The following NAALAD2 variants were observed in gnomAD, a reference collection of about 807,000 sequenced individuals.
NAALAD2 encodes N-acetylated-alpha-linked acidic dipeptidase 2.
A neutral mutation model predicts 95.6 loss-of-function variants in NAALAD2; 89 were observed. The observed-to-expected ratio is 0.93, with a 90% confidence interval of 0.78 to 1.11. The LOEUF is 1.11. Ranked by LOEUF, NAALAD2 falls within the 50% of genes least tolerant of loss-of-function variation. NAALAD2 has a pLI of 0.00. For synonymous variants in NAALAD2, 264 were observed against 294.4 expected (o/e 0.90, Z 1.06); for missense variants, 894 against 872.4 (o/e 1.02, Z -0.31).
At position 90,175,284 on chromosome 11, in the gene NAALAD2, A is replaced by T. The variant is rs542480584; in HGVS notation, c.1503-688A>T. 1.1e-4 allele frequency among the ~76,000 whole-genome samples: 17 copies of T among 152,346 alleles called. 2 individuals are homozygous for T. The South Asian group carries it at 3.3e-3, about 30-fold the overall frequency. On this transcript the variant is annotated intron_variant, in intron 14 of 18. Transcript: ENST00000534061. ...AAAATACAAAAATGATTTCTAAAAC[A>T]TTGAAGAGGTCAGTCTCAAAAACAT...
At position 90,137,874 on chromosome 11, in the gene NAALAD2, C is replaced by T. The variant is rs1394750784; in HGVS notation, c.194+2204C>T. On this transcript the variant is annotated intron_variant, in intron 2 of 18. Coordinates refer to ENST00000534061, the MANE Select transcript of NAALAD2 (RefSeq NM_005467.4). ...CCCAGGCTGGTCTCGAACTCATGAGCTCAAGTGACATACCCACCTCACCCT... is the reference window on the plus strand; with the variant it reads ...CCCAGGCTGGTCTCGAACTCATGAGTTCAAGTGACATACCCACCTCACCCT... 2.6e-5 allele frequency among the ~76,000 whole-genome samples: 4 copies of T among 152,054 alleles called. No homozygotes were observed. In the East Asian group the frequency reaches 7.7e-4, roughly 29 times the overall value.
At chr11:90,191,216 C>T (rs1346035730) in intron 18 of NAALAD2, among the ~76,000 whole-genome samples, 2 of 152,204 alleles carry the variant, frequency 1.3e-5, no homozygotes, top group Admixed American at 6.5e-5. Flanking sequence ...TCAATCTCCT[C>T]TTACTAAAAA....
At chr11:90,153,717 T>C (rs1040442778) in intron 6 of NAALAD2, among the ~76,000 whole-genome samples, 11 of 152,044 alleles carry the variant, frequency 7.2e-5, no homozygotes, top group Admixed American at 5.2e-4. Context: ...AACTTTGCAG[T>C]CTTTAATTTC....
chr11:90,147,593 A>C, intron 3 of NAALAD2, 77 bp downstream of exon 3: 1 of 1,325,766 alleles, frequency 7.5e-7, no homozygotes, highest in Middle Eastern at 1.9e-4. Context: ...GGTCAAGTAA[A>C]AGTAGAAATT....
upstream of NAALAD2, among the ~76,000 whole-genome samples, chr11:90,133,876 T>C (rs1357200828): frequency 6.6e-6 from 1 of 152,150 alleles, no homozygotes; most frequent in African/African-American, 2.4e-5. Context: ...TTCTGGACTT[T>C]AGGCAGATAA....
intron 7 of NAALAD2, 57 bp from the exon 8 acceptor site, chr11:90,159,182 A>G (rs1355174085): frequency 1.5e-6 from 2 of 1,308,462 alleles, no homozygotes; most frequent in African/African-American, 1.5e-5. Context: ...AAACTTTAAA[A>G]TTTCTCCTTA....
At chr11:90,155,635 T>C (rs1164827329) in intron 6 of NAALAD2, among the ~76,000 whole-genome samples, 11 of 100,306 alleles carry the variant, frequency 1.1e-4, no homozygotes, top group Non-Finnish European at 1.6e-4. Context: ...TATATTAATA[T>C]ATATATAATT....
intron 5 of NAALAD2, among the ~76,000 whole-genome samples, chr11:90,152,044 T>A (rs1023077260): frequency 1.3e-5 from 2 of 152,158 alleles, no homozygotes; most frequent in African/African-American, 4.8e-5. Flanking sequence ...GGGACATGAA[T>A]TCTACAGTTG....
At chr11:90,153,928 T>C (rs1009426166) in intron 6 of NAALAD2, among the ~76,000 whole-genome samples, 1 of 152,050 alleles carries the variant, frequency 6.6e-6, no homozygotes, top group African/African-American at 2.4e-5. Flanking sequence ...TCGATTCTGC[T>C]AGGTTTTTGT....
chr11:90,154,817 T>C (rs1272702519), intron 6 of NAALAD2, among the ~76,000 whole-genome samples: 1 of 146,978 alleles, frequency 6.8e-6, no homozygotes, highest in Non-Finnish European at 1.5e-5. Flanking sequence ...ATGTAATATA[T>C]GTAATATGTA....
At chr11:90,180,519 A>T (rs1374247925) in intron 16 of NAALAD2, among the ~76,000 whole-genome samples, 1 of 152,048 alleles carries the variant, frequency 6.6e-6, no homozygotes, top group East Asian at 1.9e-4. Flanking sequence ...CTATTAGGTC[A>T]GACCTAATAG....
chr11:90,167,966 C>T (rs1007835869), intron 11 of NAALAD2, among the ~76,000 whole-genome samples: 4 of 152,166 alleles, frequency 2.6e-5, no homozygotes, highest in South Asian at 2.1e-4. Context: ...GCAGTGGCAA[C>T]CCTCTGGGGT....
intron 6 of NAALAD2, among the ~76,000 whole-genome samples, chr11:90,155,464 T>TG (rs1331626673): frequency 2.8e-5 from 3 of 107,166 alleles, no homozygotes; most frequent in African/African-American, 7.4e-5. Flanking sequence ...ATATGTAATA[T>TG]TACATATACA....
At chr11:90,142,026 A>G (rs1337832336) in intron 2 of NAALAD2, among the ~76,000 whole-genome samples, 1 of 152,108 alleles carries the variant, frequency 6.6e-6, no homozygotes, top group East Asian at 1.9e-4. Context: ...ATTAAGTATG[A>G]TGTAGCTGTC....
chr11:90,133,187 C>T (rs1470701218), upstream of NAALAD2, among the ~76,000 whole-genome samples: 2 of 152,158 alleles, frequency 1.3e-5, no homozygotes, highest in Non-Finnish European at 2.9e-5. Context: ...TGAAGTTTAT[C>T]CTAGATATAC....
chr11:90,187,943 T>C (rs748859525), intron 18 of NAALAD2, among the ~76,000 whole-genome samples: 9 of 152,308 alleles, frequency 5.9e-5, no homozygotes, highest in East Asian at 3.9e-4. Context: ...CAGACTTTAA[T>C]TGAGCAAAGA....
At chr11:90,157,187 A>G (rs1170516027) in intron 6 of NAALAD2, among the ~76,000 whole-genome samples, 1 of 152,172 alleles carries the variant, frequency 6.6e-6, no homozygotes, top group African/African-American at 2.4e-5. Context: ...TCAGCAGTCA[A>G]TTATCTCATG....
At position 90,192,364 on chromosome 11, in the gene NAALAD2, A is replaced by T. The variant is rs1857355608; in HGVS notation, c.*617A>T. 1 of 152,052 alleles carries T rather than the reference A, an allele frequency of 6.6e-6. No homozygotes were observed. The highest frequency in any genetic ancestry group is 1.5e-5 in the Non-Finnish European group (1 of 67,902). 9.4% of individuals were successfully genotyped at this position (152,052 alleles called of 1,614,324 possible). A position where few individuals can be genotyped will look rare whatever the true frequency, so the allele number is the denominator to read the frequency against. On this transcript the variant is annotated 3_prime_UTR_variant, in exon 19 of 19. Transcript: ENST00000534061. ...GTTGAAGGAAAAAAGCCAGACAAACAACTACATAAAATATGTTTCTATTTA... is the reference window on the plus strand; with the variant it reads ...GTTGAAGGAAAAAAGCCAGACAAACTACTACATAAAATATGTTTCTATTTA...
At position 90,192,362 on chromosome 11, in the gene NAALAD2, A is replaced by G. The variant is rs763775337; in HGVS notation, c.*615A>G. The stretch of plus-strand genomic sequence containing the variant: ...TTGTTGAAGGAAAAAAGCCAGACAA[A>G]CAACTACATAAAATATGTTTCTATT... On this transcript the variant is annotated 3_prime_UTR_variant, in exon 19 of 19. Coordinates refer to ENST00000534061, the MANE Select transcript of NAALAD2 (RefSeq NM_005467.4). 5 of 152,024 alleles carry G rather than the reference A, an allele frequency of 3.3e-5. No individual in the cohort carries two copies. The highest frequency in any genetic ancestry group is 7.2e-5 in the African/African-American group (3 of 41,454). The allele number at this position is 152,024 out of a possible 1,614,324, so 9.4% of individuals were successfully genotyped here. A position where few individuals can be genotyped will look rare whatever the true frequency, so the allele number is the denominator to read the frequency against.
Sources: allele counts gnomAD v4.1 joint callset (sites outside exome capture counted in the v4.1 genomes callset), GRCh38; gene constraint gnomAD v4.1.1; transcripts MANE v1.5; gene names NCBI Gene and HGNC (gene_info 2026-07-23, HGNC 2026-07-21).